Variants in CPT1A observed in about 807,000 individuals in gnomAD.
CPT1A encodes the protein carnitine palmitoyltransferase 1A.
CPT1A carries 64 observed loss-of-function variants against 100.8 expected under a neutral mutation model. That is an observed-to-expected ratio of 0.63 (90% CI 0.52 to 0.78). CPT1A has a LOEUF of 0.78. Among genes scored for constraint, CPT1A ranks in the 30% least tolerant of loss-of-function variants. The pLI, the probability that CPT1A is intolerant of heterozygous loss-of-function variation, is 0.00. For synonymous variants in CPT1A, 363 were observed against 396.0 expected (o/e 0.92, Z 0.99); for missense variants, 802 against 1,034.1 (o/e 0.78, Z 3.08).
chr11:68,778,936 C>T (rs1448782433), intron 12 of CPT1A, among the ~76,000 whole-genome samples: 2 of 151,854 alleles, frequency 1.3e-5, no homozygotes, highest in African/African-American at 4.8e-5. Flanking sequence ...CAGGTGCCAG[C>T]CACCACGCCC....
At chr11:68,779,491 T>TAAAAAAA (rs369619747) in intron 12 of CPT1A, among the ~76,000 whole-genome samples, 2 of 86,952 alleles carry the variant, frequency 2.3e-5, no homozygotes, top group African/African-American at 4.4e-5. Context: ...AACGAATTAT[T>TAAAAAAA]AAAAAAAAAA....
chr11:68,827,235 A>C, intron 1 of CPT1A, among the ~76,000 whole-genome samples: 1 of 152,140 alleles, frequency 6.6e-6, no homozygotes, highest in Non-Finnish European at 1.5e-5. Context: ...TGGGAGGCTG[A>C]AGGGCGAGGC....
intron 4 of CPT1A, among the ~76,000 whole-genome samples, chr11:68,804,555 T>G (rs530251932): frequency 0.023 from 3,426 of 151,928 alleles, 120 homozygotes; most frequent in African/African-American, 0.077. Flanking sequence ...ACCACTGCAC[T>G]CCAGCCTGGG....
intron 14 of CPT1A, among the ~76,000 whole-genome samples, chr11:68,772,851 C>T (rs1855027751): frequency 6.6e-6 from 1 of 152,088 alleles, no homozygotes; most frequent in Admixed American, 6.6e-5. Flanking sequence ...GGACCATGTT[C>T]ACCTGACCTG....
chr11:68,802,072 C>T (rs1302957615), intron 5 of CPT1A, among the ~76,000 whole-genome samples: 1 of 152,048 alleles, frequency 6.6e-6, no homozygotes, highest in East Asian at 1.9e-4. Context: ...GAGGCAAATC[C>T]ATACAGACAG....
At chr11:68,833,929 G>A (rs1036304032) in intron 1 of CPT1A, among the ~76,000 whole-genome samples, 5 of 152,030 alleles carry the variant, frequency 3.3e-5, no homozygotes, top group Admixed American at 3.3e-4. Flanking sequence ...TGGCTCAAGA[G>A]ATCATCTTGC....
chr11:68,801,782 C>G (rs760720474), intron 5 of CPT1A, among the ~76,000 whole-genome samples: 2 of 151,510 alleles, frequency 1.3e-5, no homozygotes, highest in Non-Finnish European at 2.9e-5. Context: ...AACTAAAGCA[C>G]CCATGCACTG....
At chr11:68,772,652 C>T (rs1855022613) in intron 14 of CPT1A, among the ~76,000 whole-genome samples, 1 of 151,956 alleles carries the variant, frequency 6.6e-6, no homozygotes, top group Admixed American at 6.6e-5. Flanking sequence ...AGGCCAGAGA[C>T]GTTAAGTAAT....
intron 5 of CPT1A, among the ~76,000 whole-genome samples, chr11:68,802,854 G>A (rs746488805): frequency 3.0e-4 from 42 of 138,106 alleles, no homozygotes; most frequent in Non-Finnish European, 4.2e-4. Context: ...CCAAGATCGC[G>A]CCACTGCACT....
At position 68,807,563 on chromosome 11, in the gene CPT1A, G is replaced by A. The variant is rs138011726; in HGVS notation, c.357C>T (p.Ile119=). 2.4e-4 allele frequency: 391 copies of A among 1,614,040 alleles called. No homozygotes were observed. The highest frequency in any genetic ancestry group is 3.1e-4 in the Non-Finnish European group (370 of 1,180,036). Residue 119 remains isoleucine, a synonymous_variant, in exon 4 of 19, where the codon ATC becomes ATT. Coordinates refer to ENST00000265641, the MANE Select transcript of CPT1A (RefSeq NM_001876.4). ...LFGTGLWVAL[I]VTMRYSLKVL... is the part of the protein sequence containing the mutation. ...CTTTCAGGGAGTAGCGCATGGTGAC[G>A]ATGAGGGCCACCCACAGGCCGGTGC... is the stretch of plus-strand genomic sequence containing the variant.
Position 68,754,982 on chromosome 11 carries a change from G to T in CPT1A, c.*2662C>A, listed in dbSNP as rs571670004. 3.0e-6 allele frequency: 2 copies of T among 661,526 alleles called. No homozygotes were observed. The highest frequency in any genetic ancestry group is 5.6e-6 in the Non-Finnish European group (2 of 354,576). The allele number at this position is 661,526 out of a possible 1,614,324, so 41.0% of individuals were successfully genotyped here. On this transcript the variant is annotated 3_prime_UTR_variant, in exon 19 of 19. Transcript: ENST00000265641. ...AGAGCATACTGTATTTACATGCACC[G>T]GTCAGCCCAAGATAACAAATTCAAA... is the stretch of plus-strand genomic sequence containing the variant.
In CPT1A at chr11:68,841,801, G is replaced by GGCAGCGGCA; in HGVS notation, c.-49_-41dup. On this transcript the variant is annotated 5_prime_UTR_variant, in exon 1 of 19. Coordinates refer to ENST00000265641, the MANE Select transcript of CPT1A (RefSeq NM_001876.4). The surrounding 1 kb of genome is among the most constrained non-coding windows in gnomAD (Gnocchi z 6.3). ...GAGTCAGCTACGGAGGTGCGGCAGCGGCAGCGGCAGCGGCGGCGGCGGCGG... is the reference window on the plus strand; with the variant it reads ...GAGTCAGCTACGGAGGTGCGGCAGCGGCAGCGGCAGCAGCGGCAGCGGCGGCGGCGGCGG... 1.0e-6 allele frequency: 1 copy of GGCAGCGGCA among 997,608 alleles called. No homozygotes were observed. Among genetic ancestry groups the GGCAGCGGCA allele is most frequent in the Non-Finnish European group, 1.2e-6 (1 of 840,292 alleles). 61.8% of individuals were successfully genotyped at this position (997,608 alleles called of 1,614,324 possible).
chr11:68,769,144 C>A (rs1854910134), intron 14 of CPT1A, among the ~76,000 whole-genome samples: 1 of 152,172 alleles, frequency 6.6e-6, no homozygotes. Flanking sequence ...ATTTACTCAC[C>A]AGCTCCCCGT....
At chr11:68,780,831 G>T in intron 11 of CPT1A, 86 bp from the exon 12 acceptor site, 1 of 976,856 alleles carries the variant, frequency 1.0e-6, no homozygotes, top group Non-Finnish European at 1.7e-6. Context: ...CATCCTGGAT[G>T]GACTAATTCA....
chr11:68,843,706 G>T (rs552346040), upstream of CPT1A, among the ~76,000 whole-genome samples: 1 of 152,366 alleles, frequency 6.6e-6, no homozygotes, highest in South Asian at 2.1e-4. The surrounding 1 kb of genome is among the most constrained non-coding windows in gnomAD (Gnocchi z 4.0). Context: ...CGCTTGTCTG[G>T]ACCACCAGTG....
downstream of CPT1A, chr11:68,754,795 G>C (rs745402571): frequency 1.3e-6 from 1 of 781,012 alleles, no homozygotes. Context: ...GTTTCCATAT[G>C]CTGAGACTTT....
chr11:68,821,443 G>T (rs1048057918), intron 1 of CPT1A, among the ~76,000 whole-genome samples: 1 of 151,824 alleles, frequency 6.6e-6, no homozygotes, highest in African/African-American at 2.4e-5. Context: ...GTGAGCCACC[G>T]CGCCCGGCCT....
chr11:68,838,591 A>AAAAAAAAAAAAAAAAG (rs1555235345), intron 1 of CPT1A, among the ~76,000 whole-genome samples: 1 of 150,042 alleles, frequency 6.7e-6, no homozygotes, highest in Non-Finnish European at 1.5e-5. Context: ...AAAAAAAAAA[A>AAAAAAAAAAAAAAAAG]CAGAGACAGG....
chr11:68,761,383 C>T, intron 16 of CPT1A, 152 bp downstream of exon 16: 1 of 867,248 alleles, frequency 1.2e-6, no homozygotes, highest in East Asian at 2.6e-5. Context: ...AAACGCGCTG[C>T]TCACATTTTC....
Sources: gnomAD v4.1 joint callset for allele counts (sites outside exome capture counted in the v4.1 genomes callset) on GRCh38, gnomAD v4.1.1 for gene constraint, Gnocchi (gnomAD v3.1) non-coding constraint, MANE v1.5 for transcripts, NCBI Gene and HGNC (gene_info 2026-07-23, HGNC 2026-07-21) for gene names.